The following CPNE4 variants were observed in gnomAD, a reference collection of about 807,000 sequenced individuals.
CPNE4 encodes the protein copine-4.
Under a neutral mutation model 67.9 loss-of-function variants are expected in CPNE4, and 25 were observed. The ratio of observed to expected loss-of-function variants is 0.37; its 90% CI spans 0.27 to 0.51. The LOEUF (loss-of-function observed/expected upper bound fraction) is 0.51. Among genes scored for constraint, CPNE4 ranks in the 20% least tolerant of loss-of-function variants. The pLI is 0.93. For missense variants in CPNE4, 464 were observed against 690.8 expected, an observed-to-expected ratio of 0.67 and a Z score of 3.68; for synonymous variants, 242 against 244.9, an observed-to-expected ratio of 0.99 and a Z score of 0.11.
intron 13 of CPNE4, 80 bp downstream of exon 13, chr3:131,552,358 TAC>T: frequency 8.6e-7 from 1 of 1,164,454 alleles, no homozygotes; most frequent in Non-Finnish European, 1.3e-6. Flanking sequence ...ACTAATATGC[TAC>T]ACCAGCAGAG....
At chr3:132,012,088 T>C (rs1430234045) in intron 1 of CPNE4, among the ~76,000 whole-genome samples, 1 of 152,108 alleles carries the variant, frequency 6.6e-6, no homozygotes, top group South Asian at 2.1e-4. Context: ...AATTTTGCCA[T>C]TGTAGCACAA....
rs77186627 is a variant in CPNE4, at chr3:131,725,025, C to T, written c.181-1400G>A. On this transcript the variant is annotated intron_variant, in intron 2 of 15. Transcript: ENST00000429747. Reference sequence around the variant, plus strand: ...TCCTATTTTACAAATCAACTGGAACCTCTATGTACTGTCAGCTTTCAAATA... The same window carrying T: ...TCCTATTTTACAAATCAACTGGAACTTCTATGTACTGTCAGCTTTCAAATA... Among the ~76,000 whole-genome samples the T allele has an allele frequency of 5.0e-3, 761 of 152,284 alleles. 5 individuals carry two copies. Among genetic ancestry groups the T allele is most frequent in the African/African-American group, 0.015 (633 of 41,554 alleles).
chr3:131,723,454 G>A lies in CPNE4; in HGVS notation c.352C>T (p.Leu118Phe), dbSNP rs762522527. 6.2e-7 allele frequency: 1 copy of A among 1,612,694 alleles called. No individual in the cohort carries two copies. The highest frequency in any genetic ancestry group is 2.2e-5 in the East Asian group (1 of 44,890). Residue 118 changes from leucine to phenylalanine, a missense_variant, in exon 3 of 16, where the codon CTT (leucine) becomes TTT (phenylalanine). By Grantham distance (22) the Leu-to-Phe change is conservative (BLOSUM62 0). Transcript: ENST00000429747. ...GATGTCTGTTGACCCACCTGGCCAA[G>A]TGTGCACTCCATGCCACCAAGGAAG... is the stretch of plus-strand genomic sequence containing the variant. ...ADFLGGMECT[L>F]GQIVSQRKLS...
chr3:131,592,379 C>T (rs1368244942), intron 7 of CPNE4, among the ~76,000 whole-genome samples: 2 of 152,180 alleles, frequency 1.3e-5, no homozygotes, highest in Non-Finnish European at 2.9e-5. Flanking sequence ...GGAAGTTAAG[C>T]ATCATAGCTT....
intron 2 of CPNE4, among the ~76,000 whole-genome samples, chr3:131,814,174 TAACA>T (rs952016551): frequency 2.0e-5 from 3 of 152,188 alleles, no homozygotes; most frequent in Non-Finnish European, 4.4e-5. Context: ...AATTCTCCAA[TAACA>T]AACAGCTCCC....
Position 131,598,849 on chromosome 3 carries a change from A to AC in CPNE4, c.682-11268dup, listed in dbSNP as rs1037179246. Among the ~76,000 whole-genome samples the AC allele has an allele frequency of 1.7e-3, 96 of 56,146 alleles. 3 individuals are homozygous for AC. The South Asian group carries it at 0.022, about 13-fold the overall frequency. 36.8% of individuals were successfully genotyped at this position (56,146 alleles called of 152,430 possible). On this transcript the variant is annotated intron_variant, in intron 7 of 15. Coordinates refer to ENST00000429747, the MANE Select transcript of CPNE4 (RefSeq NM_130808.3). ...AGACACTCTTTAAAATTGTCCCCCC[A>AC]CCCCCCCGCCAAAAAAAAATTACCC...
chr3:132,034,237 C>T (rs1482164341), intron 1 of CPNE4, among the ~76,000 whole-genome samples: 1 of 152,048 alleles, frequency 6.6e-6, no homozygotes. Context: ...CGTACCCCTT[C>T]TTCCGCCTTC....
chr3:131,587,374 C>T, intron 8 of CPNE4, 110 bp downstream of exon 8: 1 of 724,010 alleles, frequency 1.4e-6, no homozygotes, highest in Non-Finnish European at 2.5e-6. Context: ...CCCTTCTTAT[C>T]ACACTTAATC....
chr3:131,780,466 G>A (rs751575896), intron 2 of CPNE4, among the ~76,000 whole-genome samples: 2 of 151,992 alleles, frequency 1.3e-5, no homozygotes, highest in Non-Finnish European at 2.9e-5. Context: ...AGAAAATATG[G>A]TACATACACA....
At chr3:131,598,686 G>A (rs56188383) in intron 7 of CPNE4, among the ~76,000 whole-genome samples, 13 of 152,032 alleles carry the variant, frequency 8.6e-5, no homozygotes, top group African/African-American at 3.1e-4. Context: ...ATACCACATA[G>A]CTTCATAGTT....
intron 2 of CPNE4, among the ~76,000 whole-genome samples, chr3:131,807,459 G>A (rs2084360978): frequency 6.6e-6 from 1 of 152,132 alleles, no homozygotes; most frequent in African/African-American, 2.4e-5. Context: ...ATTTCACAGT[G>A]TATGCATGAA....
intron 7 of CPNE4, among the ~76,000 whole-genome samples, chr3:131,631,184 A>G (rs575995702): frequency 2.6e-5 from 4 of 152,248 alleles, no homozygotes; most frequent in Admixed American, 6.5e-5. Context: ...TTATAAAGTC[A>G]CCATAAAATC....
At chr3:131,753,829 T>C (rs1335987294) in intron 2 of CPNE4, among the ~76,000 whole-genome samples, 1 of 152,148 alleles carries the variant, frequency 6.6e-6, no homozygotes, top group Admixed American at 6.6e-5. Flanking sequence ...GGTGGGAATG[T>C]GGATATTACA....
Position 131,909,940 on chromosome 3 carries a change from GGA to G in CPNE4, c.-1-4498_-1-4497del, listed in dbSNP as rs1404267448. On this transcript the variant is annotated intron_variant, in intron 1 of 15. Transcript: ENST00000429747. ...GGAATAAATGATTCAGAAATTTTAT[GGA>G]TCACTTCTTTAAGCAACGGGAAACA... 1.4e-4 allele frequency among the ~76,000 whole-genome samples: 21 copies of G among 152,110 alleles called. No homozygotes were observed. In the East Asian group the frequency reaches 4.1e-3, roughly 29 times the overall value.
rs2074060696 is a variant in CPNE4 at position 132,023,988 on chromosome 3, T to C, written c.-2+10579A>G. ...TGCAGCATGGGTCTGATACAGCAGT[T>C]CTTAACGGGTAAACTGCTTTGTTTT... On this transcript the variant is annotated intron_variant, in intron 1 of 15. Transcript: ENST00000429747. 3.9e-5 allele frequency among the ~76,000 whole-genome samples: 6 copies of C among 152,276 alleles called. No individual in the cohort carries two copies. The South Asian group carries it at 1.0e-3, about 26-fold the overall frequency.
intron 1 of CPNE4, among the ~76,000 whole-genome samples, chr3:131,991,743 T>C (rs2073179179): frequency 7.4e-6 from 1 of 135,178 alleles, no homozygotes; most frequent in East Asian, 2.4e-4. Context: ...TGGCAACCCC[T>C]CCCATCACAG....
In CPNE4 at chr3:131,737,115, CTTTTTTT is replaced by C. The variant is rs71788145; in HGVS notation, c.181-13497_181-13491del. Among the ~76,000 whole-genome samples the C allele has an allele frequency of 4.3e-4, 21 of 49,400 alleles. No individual in the cohort carries two copies. The East Asian group carries it at 5.2e-3, about 12-fold the overall frequency. The allele number at this position is 49,400 out of a possible 152,430, so 32.4% of individuals were successfully genotyped here. ...TGCCTCTTTTTATGAAGTATTGTGT[CTTTTTTT>C]TTTTTTTTTTTTTTTTTTTGAGAGG... is the stretch of plus-strand genomic sequence containing the variant. On this transcript the variant is annotated intron_variant, in intron 2 of 15. Coordinates refer to ENST00000429747, the MANE Select transcript of CPNE4 (RefSeq NM_130808.3).
rs1270171538 is a variant in CPNE4 at position 131,765,348 on chromosome 3, T to C, written c.181-41723A>G. On this transcript the variant is annotated intron_variant, in intron 2 of 15. Coordinates refer to ENST00000429747, the MANE Select transcript of CPNE4 (RefSeq NM_130808.3). ...TAATTAATCTAAGAAATACTATATT[T>C]GTATTTGGAAGATGAGACCATGAGA... Among the ~76,000 whole-genome samples, 12 of 152,156 alleles carry C rather than the reference T, an allele frequency of 7.9e-5. No homozygotes were observed. In the East Asian group the frequency reaches 9.7e-4, roughly 12 times the overall value.
chr3:131,703,597 T>C (rs576853353), intron 3 of CPNE4, among the ~76,000 whole-genome samples: 1 of 152,330 alleles, frequency 6.6e-6, no homozygotes, highest in Non-Finnish European at 1.5e-5. Flanking sequence ...GCAAGGAGAA[T>C]AAACTGCTCA....
Sources: allele counts gnomAD v4.1 joint callset (sites outside exome capture counted in the v4.1 genomes callset), GRCh38; gene constraint gnomAD v4.1.1; transcripts MANE v1.5; gene names NCBI Gene and HGNC (gene_info 2026-07-23, HGNC 2026-07-21).